Variants in CCNJL observed in about 807,000 individuals in gnomAD.
CCNJL encodes cyclin-J-like protein.
In CCNJL, 33 loss-of-function variants were observed where a neutral mutation model predicts 33.4. The ratio of observed to expected loss-of-function variants is 0.99; its 90% CI spans 0.75 to 1.32. The LOEUF (loss-of-function observed/expected upper bound fraction) is 1.32, where lower values mean the gene tolerates loss of function less well. Among genes scored for constraint, CCNJL ranks in the 40% most tolerant of loss-of-function variants. The probability of loss-of-function intolerance (pLI) is 0.00; values close to 1 mark genes in which losing one functional copy is unlikely to be tolerated. For missense variants in CCNJL, 512 were observed against 499.7 expected, an observed-to-expected ratio of 1.02 and a Z score of -0.23; for synonymous variants, 227 against 220.9, an observed-to-expected ratio of 1.03 and a Z score of -0.24.
intron 5 of CCNJL, chr5:160,254,226 C>G: frequency 3.8e-6 from 2 of 526,108 alleles, no homozygotes; most frequent in Non-Finnish European, 6.7e-6. Context: ...CCAATCTCTG[C>G]TTTCCAGGCA....
At chr5:160,312,241 C>T (rs1029588748) in intron 1 of CCNJL, 123 bp downstream of exon 1, 2 of 430,420 alleles carry the variant, frequency 4.6e-6, no homozygotes, top group Non-Finnish European at 8.4e-6. Flanking sequence ...TTGTCAACTC[C>T]GCTAGCTCGC....
chr5:160,259,404 C>A (rs1761215917), intron 4 of CCNJL, 65 bp downstream of exon 4: 1 of 1,504,412 alleles, frequency 6.6e-7, no homozygotes, highest in Non-Finnish European at 9.0e-7. Context: ...TTAGAGCCGC[C>A]TGACCCCGAC....
chr5:160,301,569 G>A (rs1387960306), intron 2 of CCNJL, among the ~76,000 whole-genome samples: 1 of 151,730 alleles, frequency 6.6e-6, no homozygotes, highest in Non-Finnish European at 1.5e-5. Context: ...GAATAGCTGT[G>A]ACTACAGGCA....
chr5:160,254,863 G>A (rs1238267048), intron 5 of CCNJL: 1 of 152,802 alleles, frequency 6.5e-6, no homozygotes. Context: ...GGAGCTTACT[G>A]GCTAAGAGGT....
chr5:160,304,527 A>G (rs907967102), intron 2 of CCNJL, among the ~76,000 whole-genome samples: 7 of 151,416 alleles, frequency 4.6e-5, no homozygotes, highest in East Asian at 2.0e-4. Flanking sequence ...GACTGCAAAC[A>G]TAAGATAGCC....
intron 1 of CCNJL, among the ~76,000 whole-genome samples, chr5:160,331,147 T>C (rs1763602291): frequency 6.6e-6 from 1 of 151,832 alleles, no homozygotes; most frequent in African/African-American, 2.4e-5. Flanking sequence ...TTGCCATCTT[T>C]CCAGCTCACC....
chr5:160,260,507 A>C (rs1561773994), intron 3 of CCNJL, among the ~76,000 whole-genome samples: 1 of 152,136 alleles, frequency 6.6e-6, no homozygotes, highest in Non-Finnish European at 1.5e-5. Flanking sequence ...TATCCTACCC[A>C]CGGGTTAAAG....
chr5:160,293,346 G>A (rs1198501636), intron 2 of CCNJL, among the ~76,000 whole-genome samples: 2 of 152,194 alleles, frequency 1.3e-5, no homozygotes, highest in African/African-American at 4.8e-5. Context: ...AGAATTGCTT[G>A]AACCCGGGAG....
intron 2 of CCNJL, chr5:160,281,051 C>G (rs1164775897): frequency 9.8e-6 from 4 of 409,334 alleles, no homozygotes; most frequent in Admixed American, 3.9e-5. Flanking sequence ...GGTCAGAGGT[C>G]TAAGTCCAAA....
chr5:160,256,061 G>C (rs575128574), intron 4 of CCNJL, among the ~76,000 whole-genome samples: 2 of 152,052 alleles, frequency 1.3e-5, no homozygotes, highest in East Asian at 1.9e-4. Context: ...GCTAATTTTC[G>C]TATTTTTTTG....
At chr5:160,254,539 G>A (rs371181456) in intron 5 of CCNJL, 38 of 431,468 alleles carry the variant, frequency 8.8e-5, no homozygotes, top group Admixed American at 2.6e-4. Context: ...TGCCAGCAAA[G>A]CTTCCCACAT....
chr5:160,326,725 G>A, intron 1 of CCNJL: 1 of 920,252 alleles, frequency 1.1e-6, no homozygotes. Context: ...AGAAAGTGCA[G>A]AAGGTTATGG....
Position 160,302,808 on chromosome 5 carries a change from T to C in CCNJL, c.66+9050A>G, listed in dbSNP as rs1338093961. Among the ~76,000 whole-genome samples the C allele has an allele frequency of 2.1e-5, 3 of 142,208 alleles. No individual in the cohort carries two copies. In the East Asian group the frequency reaches 5.8e-4, roughly 28 times the overall value. The allele number at this position is 142,208 out of a possible 152,430, so 93.3% of individuals were successfully genotyped here. The stretch of plus-strand genomic sequence containing the variant: ...GCCTGGACAACACAGTGAGACTCTG[T>C]CTCAATAAAAAAAAAAAAATAATAA... On this transcript the variant is annotated intron_variant, in intron 2 of 5. Transcript: ENST00000257536.
intron 2 of CCNJL, among the ~76,000 whole-genome samples, chr5:160,289,588 C>A (rs1168274262): frequency 2.0e-5 from 3 of 151,948 alleles, no homozygotes; most frequent in African/African-American, 7.2e-5. Flanking sequence ...AAACCACTCT[C>A]CTTGCTGCCC....
At chr5:160,319,946 A>T (rs1763420403) in intron 1 of CCNJL, among the ~76,000 whole-genome samples, 1 of 152,014 alleles carries the variant, frequency 6.6e-6, no homozygotes, top group South Asian at 2.1e-4. Context: ...ATAAATAAAT[A>T]AATAAATAAA....
intron 3 of CCNJL, among the ~76,000 whole-genome samples, chr5:160,260,648 T>G (rs780446897): frequency 4.6e-5 from 7 of 152,152 alleles, no homozygotes; most frequent in Admixed American, 2.0e-4. Context: ...TTCCACTGCG[T>G]GAGGCTCTGC....
At chr5:160,261,954 C>A (rs1001818691) in intron 3 of CCNJL, among the ~76,000 whole-genome samples, 6 of 152,186 alleles carry the variant, frequency 3.9e-5, no homozygotes, top group Admixed American at 3.9e-4. Flanking sequence ...ATAGTCCTCT[C>A]AGGAAACAGA....
intron 3 of CCNJL, among the ~76,000 whole-genome samples, chr5:160,262,303 T>G (rs1291267605): frequency 6.6e-6 from 1 of 152,200 alleles, no homozygotes; most frequent in African/African-American, 2.4e-5. Flanking sequence ...CCCTCCTCGC[T>G]TTTCAAACCT....
rs1370855863 is a variant in CCNJL at position 160,253,746 on chromosome 5, C to A, written c.796G>T (p.Ala266Ser). The A allele has an allele frequency of 6.4e-7, 1 of 1,555,294 alleles. No individual in the cohort carries two copies. Among genetic ancestry groups the A allele is most frequent in the Non-Finnish European group, 8.7e-7 (1 of 1,151,696 alleles). The change falls in exon 6 of 6, where the codon GCA becomes TCA. Residue 266 changes from alanine (A) to serine (S), a missense_variant. Ala to Ser is a moderately conservative substitution (Grantham distance 99). Coordinates refer to ENST00000257536, the MANE Select transcript of CCNJL (RefSeq NM_001308173.3). Reference protein sequence around the residue: ...DAVAVKSQALAMVPGTPPTPT... With the variant: ...DAVAVKSQALSMVPGTPPTPT... ...GTGGGGGGTGTGCCGGGCACCATTG[C>A]CAAGGCCTGGCTCTTGACGGCTACG...
Sources: allele counts gnomAD v4.1 joint callset (sites outside exome capture counted in the v4.1 genomes callset), GRCh38; gene constraint gnomAD v4.1.1; transcripts MANE v1.5; gene names NCBI Gene and HGNC (gene_info 2026-07-23, HGNC 2026-07-21).